The following CHD6 variants were observed in gnomAD, a reference collection of about 807,000 sequenced individuals.
CHD6 encodes ATP-dependent chromatin remodeler CHD6.
In CHD6, 50 loss-of-function variants were observed where a neutral mutation model predicts 276.9. The ratio of observed to expected loss-of-function variants is 0.18; its 90% confidence interval spans 0.14 to 0.23. The LOEUF (loss-of-function observed/expected upper bound fraction) is 0.23, where lower values mean the gene tolerates loss of function less well. CHD6 is among the 10% of genes least tolerant of loss of function. The probability of loss-of-function intolerance (pLI) is 1.00; values close to 1 mark genes in which losing one functional copy is unlikely to be tolerated. For synonymous variants in CHD6, 1,173 were observed against 1,229.3 expected, an observed-to-expected ratio of 0.95 and a Z score of 0.96; for missense variants, 2,564 against 3,365.8, an observed-to-expected ratio of 0.76 and a Z score of 5.89.
chr20:41,484,005 A>C (rs1218851853), intron 15 of CHD6, among the ~76,000 whole-genome samples: 1 of 152,244 alleles, frequency 6.6e-6, no homozygotes, highest in Non-Finnish European at 1.5e-5. Context: ...GATTCAACTA[A>C]GTAACACATT....
chr20:41,566,415 G>A (rs925862889), intron 1 of CHD6, among the ~76,000 whole-genome samples: 3 of 152,178 alleles, frequency 2.0e-5, no homozygotes, highest in African/African-American at 7.2e-5. Context: ...GGTTTGTGTG[G>A]TGTAAAGCCT....
At chr20:41,519,662 A>C (rs1568667795) in intron 3 of CHD6, among the ~76,000 whole-genome samples, 1 of 152,212 alleles carries the variant, frequency 6.6e-6, no homozygotes, top group African/African-American at 2.4e-5. Context: ...TACACCTTAT[A>C]CAAAATTAAT....
chr20:41,472,077 T>C (rs1319244445), intron 17 of CHD6, among the ~76,000 whole-genome samples: 1 of 151,624 alleles, frequency 6.6e-6, no homozygotes, highest in East Asian at 2.0e-4. Flanking sequence ...TTACTAAAAA[T>C]ACAAAAATTA....
intron 1 of CHD6, among the ~76,000 whole-genome samples, chr20:41,588,233 C>T (rs1306057892): frequency 6.6e-6 from 1 of 152,126 alleles, no homozygotes; most frequent in African/African-American, 2.4e-5. Flanking sequence ...CACAATAACG[C>T]TGAACAACAG....
chr20:41,458,662 A>T (rs1023911169), intron 17 of CHD6, among the ~76,000 whole-genome samples: 4 of 152,190 alleles, frequency 2.6e-5, no homozygotes, highest in African/African-American at 9.7e-5. Flanking sequence ...TATATCAAAG[A>T]CTGGTAGTCT....
At chr20:41,595,836 GATTTGTCAACTTCTAATAGA>G (rs943796635) in intron 1 of CHD6, among the ~76,000 whole-genome samples, 3 of 151,904 alleles carry the variant, frequency 2.0e-5, no homozygotes, top group Non-Finnish European at 4.4e-5. Context: ...ATGAGGATTG[GATTTGTCAACTTCTAATAGA>G]ATATGTCAAT....
chr20:41,574,463 T>C (rs1165292745), intron 1 of CHD6, among the ~76,000 whole-genome samples: 1 of 152,178 alleles, frequency 6.6e-6, no homozygotes, highest in East Asian at 1.9e-4. Flanking sequence ...GAACCTTCCA[T>C]GTTCTGTATA....
chr20:41,478,608 G>A (rs527356002), intron 16 of CHD6, among the ~76,000 whole-genome samples: 6 of 152,208 alleles, frequency 3.9e-5, no homozygotes, highest in African/African-American at 1.4e-4. Context: ...AAATAGAGAT[G>A]GGAACCCCAA....
At chr20:41,554,289 C>T (rs1456131954) in intron 1 of CHD6, among the ~76,000 whole-genome samples, 1 of 152,184 alleles carries the variant, frequency 6.6e-6, no homozygotes, top group African/African-American at 2.4e-5. Flanking sequence ...CACAAACTAG[C>T]ACTGGAATAA....
intron 5 of CHD6, among the ~76,000 whole-genome samples, chr20:41,512,566 C>T (rs1228935662): frequency 6.6e-6 from 1 of 151,806 alleles, no homozygotes; most frequent in Non-Finnish European, 1.5e-5. Flanking sequence ...TAAAAGACAG[C>T]CAGTCTTTTG....
At chr20:41,609,436 C>T (rs1001974682) in intron 1 of CHD6, among the ~76,000 whole-genome samples, 2 of 152,176 alleles carry the variant, frequency 1.3e-5, no homozygotes, top group Non-Finnish European at 2.9e-5. Context: ...GACAACCTAC[C>T]GCCACTCACT....
chr20:41,512,579 T>C (rs1286673862), intron 5 of CHD6, among the ~76,000 whole-genome samples: 1 of 151,910 alleles, frequency 6.6e-6, no homozygotes, highest in Non-Finnish European at 1.5e-5. Flanking sequence ...GTCTTTTGGC[T>C]GGAGAGTAAT....
At chr20:41,499,120 T>C (rs542695871) in intron 6 of CHD6, among the ~76,000 whole-genome samples, 175 bp downstream of exon 6, 148 of 152,218 alleles carry the variant, frequency 9.7e-4, no homozygotes, top group Non-Finnish European at 1.6e-3. Flanking sequence ...TTAAGAGTTT[T>C]ATGTCCTAAA....
At chr20:41,561,572 G>A (rs1383881369) in intron 1 of CHD6, among the ~76,000 whole-genome samples, 1 of 152,030 alleles carries the variant, frequency 6.6e-6, no homozygotes, top group African/African-American at 2.4e-5. Context: ...CTCCATGGTG[G>A]ACTCCTAGGT....
At chr20:41,478,951 G>A (rs2043229146) in intron 16 of CHD6, among the ~76,000 whole-genome samples, 1 of 152,124 alleles carries the variant, frequency 6.6e-6, no homozygotes, top group Non-Finnish European at 1.5e-5. Context: ...CTGCTATTAT[G>A]CTGACGCTTA....
chr20:41,440,314 T>C (rs552991314), intron 25 of CHD6, among the ~76,000 whole-genome samples, 185 bp from the exon 26 acceptor site: 2 of 152,348 alleles, frequency 1.3e-5, no homozygotes, highest in African/African-American at 2.4e-5. Flanking sequence ...GCGGACACCT[T>C]TGAGTAGTGT....
At chr20:41,431,302 T>A (rs768672498) in intron 27 of CHD6, among the ~76,000 whole-genome samples, 11 of 152,246 alleles carry the variant, frequency 7.2e-5, no homozygotes, top group Admixed American at 2.6e-4. Flanking sequence ...GATGAAGCCA[T>A]TGTTACTGTT....
intron 16 of CHD6, among the ~76,000 whole-genome samples, chr20:41,477,032 T>C (rs1016740646): frequency 2.8e-4 from 42 of 149,944 alleles, no homozygotes; most frequent in African/African-American, 1.0e-3. Context: ...AGGCCAGGAG[T>C]TCAAGAAGAG....
Position 41,415,213 on chromosome 20 carries a change from C to G in CHD6, c.6912G>C (p.Lys2304Asn). Residue 2304 changes from lysine (K) to asparagine (N), a missense_variant, in exon 34 of 37, where the codon AAG becomes AAC. By Grantham distance (94) the Lys-to-Asn change is moderately conservative. Coordinates refer to ENST00000373233, the MANE Select transcript of CHD6 (RefSeq NM_032221.5). ...AGATTCCCGCCTGAAGTGTCTGCTC[C>G]TTCAAAAAGATGAGGTCCATCCCTC... ...VEGGMDLIFL[K>N]EQTLQAGILE... The G allele has an allele frequency of 6.2e-7, 1 of 1,614,140 alleles. No homozygotes were observed. The highest frequency in any genetic ancestry group is 8.5e-7 in the Non-Finnish European group (1 of 1,180,012).
Sources: allele counts gnomAD v4.1 joint callset (sites outside exome capture counted in the v4.1 genomes callset), GRCh38; gene constraint gnomAD v4.1.1; transcripts MANE v1.5; gene names NCBI Gene and HGNC (gene_info 2026-07-23, HGNC 2026-07-21).